The following TENM2 variants were observed in gnomAD, a reference collection of about 807,000 sequenced individuals.
TENM2 encodes teneurin transmembrane protein 2, also known as teneurin-2.
Under a neutral mutation model 245.2 loss-of-function variants are expected in TENM2, and 52 were observed. The observed-to-expected ratio is 0.21, with a 90% CI of 0.17 to 0.27. TENM2 has a LOEUF of 0.27. Ranked by LOEUF, TENM2 falls within the 10% of genes least tolerant of loss-of-function variation. The pLI, the probability that TENM2 is intolerant of heterozygous loss-of-function variation, is 1.00. For synonymous variants in TENM2, 1,363 were observed against 1,438.9 expected, an observed-to-expected ratio of 0.95 and a Z score of 1.19; for missense variants, 3,046 against 3,666.8, an observed-to-expected ratio of 0.83 and a Z score of 4.37.
chr5:167,738,250 T>C (rs1760937216), intron 2 of TENM2, among the ~76,000 whole-genome samples: 1 of 152,172 alleles, frequency 6.6e-6, no homozygotes, highest in African/African-American at 2.4e-5. Flanking sequence ...TAATTGTTTA[T>C]ATAATAAGAG....
chr5:167,031,013 T>C, the TENM2 span, among the ~76,000 whole-genome samples: 1 of 152,328 alleles, frequency 6.6e-6, no homozygotes, highest in South Asian at 2.1e-4. Context: ...TGGGCATTTC[T>C]CTGGCAATTT....
the TENM2 span, among the ~76,000 whole-genome samples, chr5:167,272,532 A>G: frequency 6.6e-6 from 1 of 152,188 alleles, no homozygotes; most frequent in African/African-American, 2.4e-5. Flanking sequence ...TTTTATTAGA[A>G]TTATAGAATA....
chr5:167,458,331 AC>A (rs746958697), intron 2 of TENM2, among the ~76,000 whole-genome samples: 1 of 145,274 alleles, frequency 6.9e-6, no homozygotes, highest in East Asian at 1.9e-4. Context: ...TACTAAAAAT[AC>A]AAAAATTAGC....
At chr5:167,547,612 C>A (rs142433172) in intron 2 of TENM2, among the ~76,000 whole-genome samples, 2 of 152,098 alleles carry the variant, frequency 1.3e-5, no homozygotes, top group African/African-American at 4.8e-5. Context: ...GTGGAGCTAC[C>A]CGGGGACTTT....
chr5:167,499,165 G>A (rs1208190141), intron 2 of TENM2, among the ~76,000 whole-genome samples: 1 of 152,034 alleles, frequency 6.6e-6, no homozygotes, highest in East Asian at 1.9e-4. Flanking sequence ...TTCTACTGCT[G>A]TGATATGTCC....
intron 3 of TENM2, among the ~76,000 whole-genome samples, chr5:167,913,694 T>G (rs1473824000): frequency 6.6e-6 from 1 of 152,174 alleles, no homozygotes; most frequent in Non-Finnish European, 1.5e-5. Flanking sequence ...AGGGGTTATA[T>G]CTCGTTCTCC....
In TENM2 at chr5:168,247,818, C is replaced by A; in HGVS notation, c.6879C>A (p.Ala2293=). Residue 2293 remains alanine, a synonymous_variant, in exon 27 of 29, where the codon GCC becomes GCA. Transcript: ENST00000518659. This position sits in a 1 kb window ranked among gnomAD's most constrained non-coding sequence, Gnocchi z 7.8. ...TCCTAACAAGAGCCTACAACAAGGC[C>A]AGCGGGTGGAGTGTCCAGTACCGCT... The A allele has an allele frequency of 6.2e-7, 1 of 1,614,016 alleles. No individual in the cohort carries two copies. Among genetic ancestry groups the A allele is most frequent in the South Asian group, 1.1e-5 (1 of 91,082 alleles).
intron 2 of TENM2, among the ~76,000 whole-genome samples, chr5:167,456,073 C>T (rs138500543): frequency 2.2e-4 from 33 of 152,172 alleles, no homozygotes; most frequent in East Asian, 1.5e-3. Context: ...TTAGAGACAA[C>T]GTCTCTAATA....
In TENM2 at chr5:167,438,290, C is replaced by T. The variant is rs976729225; in HGVS notation, c.502+62817C>T. 2.6e-5 allele frequency among the ~76,000 whole-genome samples: 4 copies of T among 152,168 alleles called. No homozygotes were observed. In the East Asian group the frequency reaches 5.8e-4, roughly 22 times the overall value. On this transcript the variant is annotated intron_variant, in intron 2 of 28. Transcript: ENST00000518659. ...TTCTTCCTCTTTATGGAATGCCTAT[C>T]GCCTCTCCCTTTTTACTTTTCCATG... is the stretch of plus-strand genomic sequence containing the variant.
At chr5:168,210,287 G>T (rs555378318) in intron 19 of TENM2, among the ~76,000 whole-genome samples, 2 of 152,064 alleles carry the variant, frequency 1.3e-5, no homozygotes, top group Non-Finnish European at 2.9e-5. Flanking sequence ...CCTTCACCCC[G>T]CCCTTCTCCT....
chr5:168,081,482 G>A (rs1410916300), intron 7 of TENM2, among the ~76,000 whole-genome samples: 3 of 152,174 alleles, frequency 2.0e-5, no homozygotes, highest in African/African-American at 7.2e-5. Context: ...TATGATGTTA[G>A]GTGGTTATTT....
intron 3 of TENM2, among the ~76,000 whole-genome samples, chr5:167,897,340 T>A (rs1475329739): frequency 1.3e-5 from 2 of 152,052 alleles, no homozygotes; most frequent in Non-Finnish European, 2.9e-5. Flanking sequence ...CCTTCTCTTG[T>A]AATTATAAAG....
intron 13 of TENM2, among the ~76,000 whole-genome samples, chr5:168,170,445 A>G (rs1340890257): frequency 6.6e-6 from 1 of 152,136 alleles, no homozygotes; most frequent in Non-Finnish European, 1.5e-5. Context: ...CGGAGGCTGC[A>G]GTGAGGCAAG....
intron 5 of TENM2, among the ~76,000 whole-genome samples, chr5:168,020,531 A>G (rs1562060250): frequency 6.6e-6 from 1 of 152,110 alleles, no homozygotes; most frequent in South Asian, 2.1e-4. Context: ...TCTTGTTTTC[A>G]TGAGAGTATC....
intron 2 of TENM2, among the ~76,000 whole-genome samples, chr5:167,566,577 T>C (rs1487478327): frequency 2.0e-5 from 3 of 152,212 alleles, no homozygotes; most frequent in Non-Finnish European, 4.4e-5. Flanking sequence ...CACTGGTTCC[T>C]GTAAAAATAA....
chr5:168,022,756 C>T (rs1336725994), intron 5 of TENM2, among the ~76,000 whole-genome samples: 9 of 152,276 alleles, frequency 5.9e-5, no homozygotes, highest in South Asian at 2.1e-4. Context: ...CCCATCTTAA[C>T]GGGAGGAGGC....
the TENM2 span, among the ~76,000 whole-genome samples, chr5:166,998,986 C>T: frequency 6.6e-6 from 1 of 150,930 alleles, no homozygotes; most frequent in Non-Finnish European, 1.5e-5. Flanking sequence ...ATTCATACTG[C>T]TATTATATTA....
rs144913942 is a variant in TENM2 at position 168,214,776 on chromosome 5, G to A, written c.3846-264G>A. On this transcript the variant is annotated intron_variant, in intron 20 of 28. Coordinates refer to ENST00000518659, the Ensembl canonical transcript of TENM2. The stretch of plus-strand genomic sequence containing the variant: ...AAACAGGATCGGAGTGGGAGCTCTC[G>A]TACTGGCTAAATGAAGCAACAGTTG... The A allele has an allele frequency of 7.2e-3, 4,010 of 553,488 alleles. 26 individuals carry two copies. The highest frequency in any genetic ancestry group is 0.01 in the Non-Finnish European group (2,901 of 290,048). The allele number at this position is 553,488 out of a possible 1,614,324, so 34.3% of individuals were successfully genotyped here. A position where few individuals can be genotyped will look rare whatever the true frequency, so the allele number is the denominator to read the frequency against.
chr5:166,998,603 T>G, the TENM2 span, among the ~76,000 whole-genome samples: 7 of 152,198 alleles, frequency 4.6e-5, no homozygotes, highest in South Asian at 1.5e-3. Flanking sequence ...TAGTTTCTTC[T>G]ACAAAATTTC....
Sources: allele counts gnomAD v4.1 joint callset (sites outside exome capture counted in the v4.1 genomes callset), GRCh38; gene constraint gnomAD v4.1.1; non-coding constraint Gnocchi (gnomAD v3.1); transcripts MANE v1.5; gene names NCBI Gene and HGNC (gene_info 2026-07-23, HGNC 2026-07-21).